The following TCF25 variants were observed in gnomAD, a reference collection of about 807,000 sequenced individuals.
TCF25 encodes TCF25 ribosome quality control complex subunit.
In TCF25, 41 loss-of-function variants were observed where a neutral mutation model predicts 83.1. That is an observed-to-expected ratio of 0.49 (90% confidence interval 0.38 to 0.64). TCF25 has a LOEUF of 0.64. Among genes scored for constraint, TCF25 ranks in the 30% least tolerant of loss-of-function variants. The probability of loss-of-function intolerance (pLI) is 0.00; values close to 1 mark genes in which losing one functional copy is unlikely to be tolerated. For missense variants in TCF25, 979 were observed against 914.5 expected (o/e 1.07, Z -0.91); for synonymous variants, 458 against 365.0 (o/e 1.25, Z -2.90).
At chr16:89,898,946 C>G in intron 11 of TCF25, 74 bp downstream of exon 11, 1 of 1,437,880 alleles carries the variant, frequency 7.0e-7, no homozygotes, top group Non-Finnish European at 9.7e-7. Flanking sequence ...GGTTCAGTAT[C>G]TGTGCGCTCA....
At chr16:89,889,138 A>G in intron 5 of TCF25, 1 of 314,814 alleles carries the variant, frequency 3.2e-6, no homozygotes, top group Non-Finnish European at 6.0e-6. Context: ...TTTATGTAGG[A>G]GGTATATTCC....
intron 6 of TCF25, among the ~76,000 whole-genome samples, chr16:89,893,093 A>G (rs958991185): frequency 2.0e-5 from 3 of 152,222 alleles, no homozygotes; most frequent in Non-Finnish European, 4.4e-5. Context: ...CAGGGGTTCC[A>G]TGGCCATGTA....
At chr16:89,884,446 G>A in intron 2 of TCF25, 136 bp from the exon 3 acceptor site, 1 of 821,616 alleles carries the variant, frequency 1.2e-6, no homozygotes, top group Non-Finnish European at 2.0e-6. Flanking sequence ...AAGAGAGTGA[G>A]TTGAAGGAAC....
In TCF25 at chr16:89,883,465, G is replaced by A. The variant is rs763380979; in HGVS notation, c.307G>A (p.Glu103Lys). Residue 103 changes from glutamate (E) to lysine (K), a missense_variant, in exon 2 of 18, where the codon GAG (glutamate) becomes AAG (lysine). By Grantham distance (56) the Glu-to-Lys change is moderately conservative. Coordinates refer to ENST00000263346, the MANE Select transcript of TCF25 (RefSeq NM_014972.3). The stretch of plus-strand genomic sequence containing the variant: ...AGGAAGGGGTCAGCGTGGAAACACA[G>A]AGAGCAAGACGGATGGAGATGACAC... Reference protein sequence around the residue: ...NKGRGQRGNTESKTDGDDTET... With the variant: ...NKGRGQRGNTKSKTDGDDTET... 6.2e-6 allele frequency: 10 copies of A among 1,613,746 alleles called. No homozygotes were observed. The Admixed American group carries it at 1.5e-4, about 24-fold the overall frequency.
chr16:89,898,677 T>TC (rs2044078936), intron 10 of TCF25, 28 bp downstream of exon 10: 8 of 1,612,260 alleles, frequency 5.0e-6, no homozygotes, highest in Non-Finnish European at 6.8e-6. Flanking sequence ...GCCAAGCCCG[T>TC]CCACGCTCCC....
chr16:89,873,967 A>T, intron 1 of TCF25, 108 bp downstream of exon 1: 49 of 1,031,000 alleles, frequency 4.8e-5, no homozygotes, highest in East Asian at 1.2e-4. Context: ...AGGGGTGGGA[A>T]GGGTGACGTG....
rs2044576715 is a variant in TCF25 at position 89,904,127 on chromosome 16, C to T, written c.1391C>T (p.Pro464Leu). The T allele has an allele frequency of 6.2e-7, 1 of 1,606,670 alleles. No individual in the cohort carries two copies. Among genetic ancestry groups the T allele is most frequent in the Non-Finnish European group, 8.5e-7 (1 of 1,176,814 alleles). The change falls in exon 13 of 18, where the codon CCC becomes CTC. Residue 464 changes from proline (P) to leucine (L), a missense_variant. By Grantham distance (98) the Pro-to-Leu change is moderately conservative. Coordinates refer to ENST00000263346, the MANE Select transcript of TCF25 (RefSeq NM_014972.3). ...TCCGCTTCCCCTGCAGTCCTCCTGC[C>T]CCTGCTCGAGTCTTGCAGTGTGCGG... ...ALTMFPGVLL[P>L]LLESCSVRPD...
chr16:89,878,611 A>G, intron 1 of TCF25: 2 of 1,140,686 alleles, frequency 1.8e-6, no homozygotes, highest in Non-Finnish European at 2.2e-6. Flanking sequence ...AAAACTAATG[A>G]AAATCACAGC....
chr16:89,904,444 G>A (rs1301123551), intron 13 of TCF25: 3 of 576,722 alleles, frequency 5.2e-6, no homozygotes, highest in Admixed American at 6.1e-5. Flanking sequence ...ATATAAAGAG[G>A]GTGCCAGGCG....
At chr16:89,910,512 C>T in intron 16 of TCF25, 79 bp from the exon 17 acceptor site, 1 of 1,482,790 alleles carries the variant, frequency 6.7e-7, no homozygotes, top group Non-Finnish European at 9.4e-7. Context: ...AGGCAGCTGG[C>T]AGGCAGCCCC....
chr16:89,901,238 T>C lies in TCF25; in HGVS notation c.1381+444T>C, dbSNP rs148681871. Among the ~76,000 whole-genome samples, 803 of 152,370 alleles carry C rather than the reference T, an allele frequency of 5.3e-3. 3 individuals are homozygous for C. The highest frequency in any genetic ancestry group is 0.034 in the Middle Eastern group (10 of 294). On this transcript the variant is annotated intron_variant, in intron 12 of 17. Coordinates refer to ENST00000263346, the MANE Select transcript of TCF25 (RefSeq NM_014972.3). ...AGCCTGCACAGCCGTGACCCCTGAC[T>C]GCATCTGGGTAGCTTCGATCCACGC...
At chr16:89,899,023 T>A in intron 11 of TCF25, 151 bp downstream of exon 11, 1 of 761,710 alleles carries the variant, frequency 1.3e-6, no homozygotes, top group South Asian at 1.6e-5. Flanking sequence ...CTTGTTTGTC[T>A]CCCTTGCCGC....
intron 1 of TCF25, among the ~76,000 whole-genome samples, chr16:89,880,790 A>T (rs2042548999): frequency 6.6e-6 from 1 of 152,188 alleles, no homozygotes; most frequent in East Asian, 1.9e-4. Context: ...AATGTTGGAG[A>T]TGGTGTAGAT....
intron 11 of TCF25, among the ~76,000 whole-genome samples, chr16:89,899,502 C>A (rs951759602): frequency 1.3e-5 from 2 of 152,146 alleles, no homozygotes; most frequent in Non-Finnish European, 2.9e-5. Context: ...GAGGCCGAGG[C>A]GGGCGGATCA....
In TCF25 at chr16:89,873,836, C is replaced by G. The variant is rs2041935407; in HGVS notation, c.169C>G (p.Arg57Gly). 3 of 1,565,448 alleles carry G rather than the reference C, an allele frequency of 1.9e-6. No homozygotes were observed. The highest frequency in any genetic ancestry group is 2.6e-6 in the Non-Finnish European group (3 of 1,158,988). The change falls in exon 1 of 18, where the codon CGA (arginine) becomes GGA (glycine). Residue 57 changes from arginine (R) to glycine (G), a missense_variant. Transcript: ENST00000263346. ...CGGGGGCGCAGGGAAGGAGGGCGTC[C>G]GAGTCAACAACCGCTTCGAGCTGGT... The part of the protein sequence containing the change: ...RPGGAGKEGV[R>G]VNNRFELINI...
At chr16:89,890,856 TTTTG>T (rs1382756887) in intron 5 of TCF25, among the ~76,000 whole-genome samples, 1 of 152,142 alleles carries the variant, frequency 6.6e-6, no homozygotes, top group Non-Finnish European at 1.5e-5. Context: ...TATTAAACTT[TTTTG>T]TTTATTTATT....
chr16:89,876,653 G>A (rs1479102579), intron 1 of TCF25, among the ~76,000 whole-genome samples: 1 of 151,956 alleles, frequency 6.6e-6, no homozygotes, highest in African/African-American at 2.4e-5. Flanking sequence ...TGGGCCAGGC[G>A]TGGTGGCACA....
In TCF25 at chr16:89,911,218, G is replaced by C. The variant is rs772775223; in HGVS notation, c.2011G>C (p.Gly671Arg). The part of the protein sequence containing the change: ...LEAPHEDDAE[G>R]EGEWD The stretch of plus-strand genomic sequence containing the variant: ...GGCGCCGCACGAGGACGACGCTGAG[G>C]GGGAGGGGGAGTGGGACTGAGCGTC... Residue 671 changes from glycine (G) to arginine (R), a missense_variant, in exon 18 of 18, where the codon GGG (glycine) becomes CGG (arginine). Transcript: ENST00000263346. The C allele has an allele frequency of 3.1e-6, 5 of 1,612,378 alleles. No homozygotes were observed. Among genetic ancestry groups the C allele is most frequent in the East Asian group, 4.5e-5 (2 of 44,888 alleles).
chr16:89,900,583 A>G, intron 11 of TCF25, 52 bp from the exon 12 acceptor site: 7 of 1,515,548 alleles, frequency 4.6e-6, no homozygotes, highest in Non-Finnish European at 6.3e-6. Context: ...AAACTCACAT[A>G]TTTTGTCTTT....
Sources: allele counts gnomAD v4.1 joint callset (sites outside exome capture counted in the v4.1 genomes callset), GRCh38; gene constraint gnomAD v4.1.1; transcripts MANE v1.5; gene names NCBI Gene and HGNC (gene_info 2026-07-23, HGNC 2026-07-21).